NOTCH2: variants seen among roughly 807,000 people sequenced by gnomAD.
NOTCH2 encodes the protein neurogenic locus notch homolog protein 2.
Under a neutral mutation model 235.8 loss-of-function variants are expected in NOTCH2, and 29 were observed. The ratio of observed to expected loss-of-function variants is 0.12; its 90% CI spans 0.09 to 0.17. The LOEUF (loss-of-function observed/expected upper bound fraction) is 0.17. NOTCH2 is among the 10% of genes least tolerant of loss of function. The probability of loss-of-function intolerance (pLI) is 1.00; values close to 1 mark genes in which losing one functional copy is unlikely to be tolerated. For missense variants in NOTCH2, 2,285 were observed against 3,150.2 expected, an observed-to-expected ratio of 0.73 and a Z score of 6.57; for synonymous variants, 1,086 against 1,141.5, an observed-to-expected ratio of 0.95 and a Z score of 0.98.
chr1:119,964,059 C>T (rs1651044198), intron 10 of NOTCH2, among the ~76,000 whole-genome samples: 1 of 152,160 alleles, frequency 6.6e-6, no homozygotes, highest in Non-Finnish European at 1.5e-5. Context: ...AATTTCATTG[C>T]AGAGATGCTT....
At position 119,967,749 on chromosome 1, in the gene NOTCH2, A is replaced by AT. The variant is rs369169784; in HGVS notation, c.1265-129dup. The AT allele has an allele frequency of 4.1e-3, 3,366 of 824,420 alleles. 41 individuals are homozygous for AT. The highest frequency in any genetic ancestry group is 0.037 in the African/African-American group (2,149 of 57,718). The allele number at this position is 824,420 out of a possible 1,614,324, so 51.1% of individuals were successfully genotyped here. A position where few individuals can be genotyped will look rare whatever the true frequency, so the allele number is the denominator to read the frequency against. On this transcript the variant is annotated intron_variant, in intron 7 of 33. Transcript: ENST00000256646. ...TCAATAATATCATTCCCAATTTTCT[A>AT]TTTTTTTTTCCTTAATTTAAAAAGA...
At chr1:120,011,062 A>G (rs1416629473) in intron 2 of NOTCH2, among the ~76,000 whole-genome samples, 1 of 152,256 alleles carries the variant, frequency 6.6e-6, no homozygotes, top group Non-Finnish European at 1.5e-5. Flanking sequence ...TGTCCAGAAT[A>G]TGCAAAACCG....
rs587606196 is a variant in NOTCH2, at chr1:120,017,671, AC to A, written c.156-12084del. On this transcript the variant is annotated intron_variant, in intron 2 of 33. Coordinates refer to ENST00000256646, the MANE Select transcript of NOTCH2 (RefSeq NM_024408.4). ...TTCCTGATATATAGACTACTTCTTA[AC>A]CCCCACTCACCCCTATATCAGTCAA... Among the ~76,000 whole-genome samples the A allele has an allele frequency of 1.6e-3, 231 of 145,706 alleles. 1 individual carries two copies. The highest frequency in any genetic ancestry group is 5.6e-3 in the African/African-American group (219 of 39,334).
At chr1:119,968,416 C>A (rs1312404312) in intron 6 of NOTCH2, among the ~76,000 whole-genome samples, 184 bp from the exon 7 acceptor site, 1 of 152,148 alleles carries the variant, frequency 6.6e-6, no homozygotes, top group South Asian at 2.1e-4. Flanking sequence ...CAGCAAAGCA[C>A]CTAGATGCAA....
intron 1 of NOTCH2, among the ~76,000 whole-genome samples, chr1:120,065,471 G>A (rs587649508): frequency 1.4e-4 from 21 of 152,148 alleles, no homozygotes; most frequent in African/African-American, 3.6e-4. Context: ...GCACATAAGC[G>A]CATTTGTACA....
intron 8 of NOTCH2, among the ~76,000 whole-genome samples, chr1:119,967,185 C>T (rs1354011046): frequency 6.6e-6 from 1 of 152,088 alleles, no homozygotes; most frequent in Admixed American, 6.5e-5. Context: ...TTTTCTATTA[C>T]ATGTGGATTT....
At position 119,925,545 on chromosome 1, in the gene NOTCH2, G is replaced by C. The variant is rs2101162349; in HGVS notation, c.4271C>G (p.Thr1424Ser). ...YTAPPSTPPA[T>S]CLSQYCADKA... ...GTCGGCACAATACTGGCTCAGACAGGTGGCAGGAGGGGTGCTGGGGGGTGC... is the reference window on the plus strand; with the variant it reads ...GTCGGCACAATACTGGCTCAGACAGCTGGCAGGAGGGGTGCTGGGGGGTGC... The change falls in exon 25 of 34, where the codon ACC (threonine) becomes AGC (serine). Residue 1424 changes from threonine (T) to serine (S), a missense_variant. Transcript: ENST00000256646. 2.5e-6 allele frequency: 4 copies of C among 1,614,174 alleles called. No individual in the cohort carries two copies. The highest frequency in any genetic ancestry group is 3.4e-6 in the Non-Finnish European group (4 of 1,180,038).
At chr1:120,018,036 C>T (rs1337953348) in intron 2 of NOTCH2, among the ~76,000 whole-genome samples, 1 of 151,186 alleles carries the variant, frequency 6.6e-6, no homozygotes, top group African/African-American at 2.4e-5. Context: ...TTCCATTCCC[C>T]AATGTTGGTG....
At chr1:119,937,796 AAATGCC>A in intron 20 of NOTCH2, 55 bp downstream of exon 20, 2 of 1,592,710 alleles carry the variant, frequency 1.3e-6, no homozygotes, top group Non-Finnish European at 1.7e-6. Context: ...TACCTTCTCT[AAATGCC>A]ACTGGACAGT....
intron 5 of NOTCH2, among the ~76,000 whole-genome samples, chr1:119,985,928 G>A (rs1429095385): frequency 6.6e-6 from 1 of 152,136 alleles, no homozygotes; most frequent in Non-Finnish European, 1.5e-5. Context: ...GGACAGTTTG[G>A]GAATTAAAAG....
intron 23 of NOTCH2, among the ~76,000 whole-genome samples, chr1:119,927,502 A>G (rs1649514200): frequency 6.6e-6 from 1 of 151,388 alleles, no homozygotes; most frequent in Non-Finnish European, 1.5e-5. Context: ...TCCCACAATA[A>G]CTGTGCTCAA....
chr1:119,983,780 C>T (rs1553201928), intron 5 of NOTCH2, among the ~76,000 whole-genome samples: 1 of 152,068 alleles, frequency 6.6e-6, no homozygotes, highest in African/African-American at 2.4e-5. Flanking sequence ...CTACAAAACA[C>T]CAAGCCTTTT....
chr1:119,925,244 C>T (rs140638348), intron 25 of NOTCH2, 61 bp downstream of exon 25: 53 of 1,607,150 alleles, frequency 3.3e-5, no homozygotes, highest in Non-Finnish European at 4.1e-5. Context: ...GGAGCAAGAA[C>T]GAGAAACTGA....
intron 15 of NOTCH2, chr1:119,950,300 T>C: frequency 5.5e-6 from 2 of 360,738 alleles, no homozygotes; most frequent in East Asian, 7.3e-5. Flanking sequence ...AACTTCTACA[T>C]TGTAGAATTA....
At chr1:120,024,059 T>C (rs1292360329) in intron 2 of NOTCH2, among the ~76,000 whole-genome samples, 1 of 151,256 alleles carries the variant, frequency 6.6e-6, no homozygotes, top group African/African-American at 2.4e-5. Flanking sequence ...GCATTCTTTG[T>C]TTTATGTTAA....
At chr1:119,963,470 G>C (rs1199370699) in intron 11 of NOTCH2, 104 bp downstream of exon 11, 2 of 1,078,158 alleles carry the variant, frequency 1.9e-6, no homozygotes, top group African/African-American at 3.1e-5. Flanking sequence ...AATCAGGACT[G>C]TTTTTTAGGT....
chr1:120,029,005 G>C (rs1297356245), intron 2 of NOTCH2, among the ~76,000 whole-genome samples: 2 of 151,136 alleles, frequency 1.3e-5, no homozygotes, highest in Admixed American at 6.6e-5. Context: ...TAGATGGTTG[G>C]AGAAAAAGGA....
chr1:119,965,666 G>T, intron 9 of NOTCH2, 100 bp from the exon 10 acceptor site: 1 of 855,442 alleles, frequency 1.2e-6, no homozygotes, highest in Non-Finnish European at 2.0e-6. Context: ...ATACCAATGG[G>T]TCAATAAGCC....
At chr1:119,927,061 C>A (rs1312846390) in intron 23 of NOTCH2, among the ~76,000 whole-genome samples, 1 of 152,190 alleles carries the variant, frequency 6.6e-6, no homozygotes, top group African/African-American at 2.4e-5. Context: ...AGAGAATTTT[C>A]ATCTGTGATA....
Sources: gnomAD v4.1 joint callset for allele counts (sites outside exome capture counted in the v4.1 genomes callset) on GRCh38, gnomAD v4.1.1 for gene constraint, MANE v1.5 for transcripts, NCBI Gene and HGNC (gene_info 2026-07-23, HGNC 2026-07-21) for gene names.